The following ANO5 variants were observed in gnomAD, a reference collection of about 807,000 sequenced individuals.
ANO5 encodes the protein anoctamin 5, also known as anoctamin-5.
In ANO5, 109 loss-of-function variants were observed where a neutral mutation model predicts 121.0. The ratio of observed to expected loss-of-function variants is 0.90; its 90% CI spans 0.77 to 1.06. The LOEUF (loss-of-function observed/expected upper bound fraction) is 1.06. Among genes scored for constraint, ANO5 ranks in the 50% least tolerant of loss-of-function variants. The pLI, the probability that ANO5 is intolerant of heterozygous loss-of-function variation, is 0.00. For synonymous variants in ANO5, 406 were observed against 359.9 expected, an observed-to-expected ratio of 1.13 and a Z score of -1.45; for missense variants, 1,064 against 1,078.5, an observed-to-expected ratio of 0.99 and a Z score of 0.19.
intron 5 of ANO5, among the ~76,000 whole-genome samples, chr11:22,223,232 G>C (rs894232462): frequency 1.3e-5 from 2 of 151,936 alleles, no homozygotes. Flanking sequence ...TCATGCTTAT[G>C]GAGACGTTTT....
At position 22,227,531 on chromosome 11, in the gene ANO5, T is replaced by G. The variant is rs746312346; in HGVS notation, c.593T>G (p.Leu198Arg). Residue 198 changes from leucine to arginine, a missense_variant, in exon 7 of 22, where the codon CTC becomes CGC. Transcript: ENST00000324559. Reference protein sequence around the residue: ...TAQFSRHRQELFLIEDQATFF... With the variant: ...TAQFSRHRQERFLIEDQATFF... The stretch of plus-strand genomic sequence containing the variant: ...CAATTCAGCAGACATCGGCAGGAGC[T>G]CTTCCTCATCGAAGATCAGGCAACC... 1 of 1,613,526 alleles carries G rather than the reference T, an allele frequency of 6.2e-7. No homozygotes were observed. The highest frequency in any genetic ancestry group is 8.5e-7 in the Non-Finnish European group (1 of 1,179,730).
At chr11:22,269,509 GAAAAA>G (rs1223442302) in intron 17 of ANO5, among the ~76,000 whole-genome samples, 1 of 77,604 alleles carries the variant, frequency 1.3e-5, no homozygotes, top group South Asian at 3.8e-4. Context: ...AGGAAGGAAA[GAAAAA>G]AAGAAAAGGA....
chr11:22,197,353 T>C (rs1040951020), intron 1 of ANO5, among the ~76,000 whole-genome samples: 3 of 151,620 alleles, frequency 2.0e-5, no homozygotes, highest in Admixed American at 6.6e-5. Flanking sequence ...ATTTAACTTT[T>C]TTTTTTTTTT....
At chr11:22,213,538 A>G (rs1246213443) in intron 3 of ANO5, among the ~76,000 whole-genome samples, 1 of 151,942 alleles carries the variant, frequency 6.6e-6, no homozygotes, top group Non-Finnish European at 1.5e-5. Context: ...TATTCTATCA[A>G]CATGACTTAA....
chr11:22,265,080 A>G (rs1388113561), intron 17 of ANO5, among the ~76,000 whole-genome samples: 1 of 152,154 alleles, frequency 6.6e-6, no homozygotes, highest in African/African-American at 2.4e-5. Flanking sequence ...TTCAAAAATG[A>G]GGAAAAACAC....
chr11:22,221,560 A>C (rs1310260872), intron 5 of ANO5, among the ~76,000 whole-genome samples: 1 of 151,962 alleles, frequency 6.6e-6, no homozygotes, highest in Admixed American at 6.6e-5. Context: ...TGTATGACTA[A>C]TCCATTGCTC....
intron 21 of ANO5, among the ~76,000 whole-genome samples, 186 bp from the exon 22 acceptor site, chr11:22,279,358 A>G (rs1854988082): frequency 6.6e-6 from 1 of 151,868 alleles, no homozygotes; most frequent in African/African-American, 2.4e-5. Flanking sequence ...ATATTTAAGT[A>G]TATATTTATT....
chr11:22,231,121 A>G (rs7935209), intron 7 of ANO5, among the ~76,000 whole-genome samples: 126,954 of 151,920 alleles, frequency 0.84, 53,673 homozygotes, highest in African/African-American at 0.96. Context: ...TCACTTCAGA[A>G]GAATCAGAAG....
intron 19 of ANO5, among the ~76,000 whole-genome samples, chr11:22,274,218 G>T (rs1171488726): frequency 6.6e-6 from 1 of 151,166 alleles, no homozygotes; most frequent in Admixed American, 6.6e-5. Flanking sequence ...CATTGAGTTA[G>T]TCTAAGAAAG....
intron 2 of ANO5, among the ~76,000 whole-genome samples, chr11:22,210,369 G>C (rs760828943): frequency 6.6e-6 from 1 of 151,782 alleles, no homozygotes; most frequent in Non-Finnish European, 1.5e-5. Flanking sequence ...ATATTTCCAA[G>C]GTGCTCTTTG....
Position 22,257,829 on chromosome 11 carries a change from C to A in ANO5, c.1407+75C>A, listed in dbSNP as rs1358041917. 4.0e-6 allele frequency: 5 copies of A among 1,257,132 alleles called. No individual in the cohort carries two copies. In the Admixed American group the frequency reaches 5.4e-5, roughly 13 times the overall value. The allele number at this position is 1,257,132 out of a possible 1,614,324, so 77.9% of individuals were successfully genotyped here. On this transcript the variant is annotated intron_variant, in intron 14 of 21. Transcript: ENST00000324559. ...TGAGCTATCTCAACAGTGTTACCTA[C>A]AATGTCTCTTGAGTCTTTCCTTTCC...
intron 3 of ANO5, among the ~76,000 whole-genome samples, chr11:22,214,634 A>G (rs73481611): frequency 0.055 from 8,354 of 152,036 alleles, 777 homozygotes; most frequent in African/African-American, 0.19. Flanking sequence ...AAGAGGCTCA[A>G]TGATCTTTGG....
chr11:22,210,833 C>T (rs572087375), intron 2 of ANO5, among the ~76,000 whole-genome samples: 3 of 151,988 alleles, frequency 2.0e-5, no homozygotes, highest in Admixed American at 6.6e-5. Context: ...TGTTGAAGGG[C>T]GTAAAATAGC....
rs1262265204 is a variant in ANO5 at position 22,274,688 on chromosome 11, G to T, written c.2355G>T (p.Leu785=). 12 of 1,613,540 alleles carry T rather than the reference G, an allele frequency of 7.4e-6. No homozygotes were observed. The highest frequency in any genetic ancestry group is 1.7e-5 in the Admixed American group (1 of 59,982). ...GYVNNSLSVF[L]IADFPNHTAP... ...TGAATAATAGCCTGTCAGTATTCCTGATAGCTGATTTTCCAAACCACACTG... is the reference window on the plus strand; with the variant it reads ...TGAATAATAGCCTGTCAGTATTCCTTATAGCTGATTTTCCAAACCACACTG... Residue 785 remains leucine (L), a synonymous_variant, in exon 20 of 22, where the codon CTG becomes CTT. Transcript: ENST00000324559.
At chr11:22,212,272 G>C (rs1222808901) in intron 3 of ANO5, among the ~76,000 whole-genome samples, 1 of 142,018 alleles carries the variant, frequency 7.0e-6, no homozygotes, top group African/African-American at 3.1e-5. Context: ...TTAGCTTGAA[G>C]GTAAATCTGT....
chr11:22,192,944 G>C (rs1161932220), upstream of ANO5: 3 of 980,210 alleles, frequency 3.1e-6, no homozygotes, highest in Non-Finnish European at 3.6e-6. Context: ...GGCCAGCGTG[G>C]AGCCAGCCGG....
At chr11:22,241,374 T>A (rs1023432455) in intron 9 of ANO5, among the ~76,000 whole-genome samples, 5 of 152,008 alleles carry the variant, frequency 3.3e-5, no homozygotes, top group Non-Finnish European at 7.4e-5. Flanking sequence ...TGCATCTTTT[T>A]GGTAGAACAA....
rs1851711517 is a variant in ANO5 at position 22,193,427 on chromosome 11, C to T, written c.-66C>T. On this transcript the variant is annotated 5_prime_UTR_variant, in exon 1 of 22. The change creates a new upstream start codon in the 5' untranslated region. Coordinates refer to ENST00000324559, the MANE Select transcript of ANO5 (RefSeq NM_213599.3). Reference sequence around the variant, plus strand: ...ATTCAGCACCTGCCTCAGATCTCCACGTCTGTCTCAGCTGCCCCTCTCCTG... The same window carrying T: ...ATTCAGCACCTGCCTCAGATCTCCATGTCTGTCTCAGCTGCCCCTCTCCTG... 7.0e-6 allele frequency: 11 copies of T among 1,571,258 alleles called. No individual in the cohort carries two copies. The highest frequency in any genetic ancestry group is 9.5e-6 in the Non-Finnish European group (11 of 1,159,120).
intron 2 of ANO5, among the ~76,000 whole-genome samples, chr11:22,206,942 C>T (rs2133534524): frequency 6.6e-6 from 1 of 152,068 alleles, no homozygotes; most frequent in East Asian, 1.9e-4. Flanking sequence ...GTATTCAGAT[C>T]AGAAAGGGAC....
Sources: allele counts gnomAD v4.1 joint callset (sites outside exome capture counted in the v4.1 genomes callset), GRCh38; gene constraint gnomAD v4.1.1; transcripts MANE v1.5; gene names NCBI Gene and HGNC (gene_info 2026-07-23, HGNC 2026-07-21).